Variants in C8orf34 observed in about 807,000 individuals in gnomAD.
C8orf34 encodes chromosome 8 open reading frame 34, also known as uncharacterized protein C8orf34.
C8orf34 carries 65 observed loss-of-function variants against 68.3 expected under a neutral mutation model. The ratio of observed to expected loss-of-function variants is 0.95; its 90% CI spans 0.78 to 1.17. The LOEUF (loss-of-function observed/expected upper bound fraction) is 1.17, where lower values mean the gene tolerates loss of function less well. Among genes scored for constraint, C8orf34 ranks in the 50% most tolerant of loss-of-function variants. C8orf34 has a pLI of 0.00. For missense variants in C8orf34, 664 were observed against 655.4 expected (o/e 1.01, Z -0.14); for synonymous variants, 244 against 241.2 (o/e 1.01, Z -0.11).
rs562429641 is a variant in C8orf34 at position 68,538,156 on chromosome 8, C to T, written c.1105+5007C>T. ...ACCTATTTATCACTTTGAATAAGTT[C>T]CACGTTTTTTGACACATACCAATAA... On this transcript the variant is annotated intron_variant, in intron 7 of 13. Transcript: ENST00000518698. 7.9e-5 allele frequency among the ~76,000 whole-genome samples: 12 copies of T among 152,190 alleles called. No homozygotes were observed. The South Asian group carries it at 2.3e-3, about 29-fold the overall frequency.
chr8:68,658,427 C>T (rs923665426), intron 8 of C8orf34, among the ~76,000 whole-genome samples: 2 of 152,020 alleles, frequency 1.3e-5, no homozygotes, highest in Non-Finnish European at 2.9e-5. Context: ...GTAATGTTTC[C>T]TTTATTTCTG....
At chr8:68,367,912 G>GAAAAACAAAAAAAAAAAAAAAAAAAAAAA (rs1807364645) in intron 1 of C8orf34, among the ~76,000 whole-genome samples, 2 of 79,116 alleles carry the variant, frequency 2.5e-5, no homozygotes, top group Non-Finnish European at 4.7e-5. Flanking sequence ...AAAAAGAAAA[G>GAAAAACAAAAAAAAAAAAAAAAAAAAAAA]AAAAAAAAAA....
chr8:68,737,738 T>G (rs1822163693), intron 10 of C8orf34, among the ~76,000 whole-genome samples: 1 of 152,092 alleles, frequency 6.6e-6, no homozygotes, highest in African/African-American at 2.4e-5. Flanking sequence ...TATATATACA[T>G]GCACCTAACA....
chr8:68,450,656 G>T (rs1366188944), intron 3 of C8orf34, among the ~76,000 whole-genome samples: 1 of 152,102 alleles, frequency 6.6e-6, no homozygotes, highest in Non-Finnish European at 1.5e-5. Flanking sequence ...GTAACATTTT[G>T]AAAGGAAGCT....
At chr8:68,782,698 C>T (rs1341277892) in intron 11 of C8orf34, among the ~76,000 whole-genome samples, 1 of 151,992 alleles carries the variant, frequency 6.6e-6, no homozygotes, top group East Asian at 1.9e-4. Context: ...AGTTTTAATC[C>T]AATTAAAAGG....
At chr8:68,741,011 T>C (rs984507925) in intron 10 of C8orf34, among the ~76,000 whole-genome samples, 1 of 151,776 alleles carries the variant, frequency 6.6e-6, no homozygotes, top group African/African-American at 2.4e-5. Flanking sequence ...TTCTCACTTA[T>C]AAATGGGAGC....
intron 5 of C8orf34, among the ~76,000 whole-genome samples, chr8:68,507,974 C>T (rs1382110894): frequency 2.6e-5 from 4 of 152,084 alleles, no homozygotes; most frequent in Admixed American, 2.6e-4. Flanking sequence ...AATAAAGGGT[C>T]TTATAGTTAC....
chr8:68,463,591 C>A (rs910786040), intron 3 of C8orf34, among the ~76,000 whole-genome samples: 8 of 152,164 alleles, frequency 5.3e-5, no homozygotes, highest in African/African-American at 1.9e-4. Flanking sequence ...AGCTTATCCA[C>A]CATGATCAAC....
At chr8:68,465,441 C>A (rs1246259664) in intron 3 of C8orf34, among the ~76,000 whole-genome samples, 1 of 150,976 alleles carries the variant, frequency 6.6e-6, no homozygotes, top group Admixed American at 6.6e-5. Context: ...CCCAGCCATC[C>A]CATTACTGGG....
chr8:68,639,286 G>T (rs1042129957), intron 7 of C8orf34, among the ~76,000 whole-genome samples: 1 of 152,078 alleles, frequency 6.6e-6, no homozygotes, highest in African/African-American at 2.4e-5. Flanking sequence ...TTTCCAGTTT[G>T]CTTATGTACA....
intron 5 of C8orf34, among the ~76,000 whole-genome samples, chr8:68,514,765 AT>A (rs1319029604): frequency 6.6e-6 from 1 of 152,124 alleles, no homozygotes; most frequent in Non-Finnish European, 1.5e-5. Flanking sequence ...AGTCCATAAA[AT>A]TTTTTCTATA....
intron 5 of C8orf34, among the ~76,000 whole-genome samples, chr8:68,506,473 A>G (rs1318151956): frequency 1.3e-5 from 2 of 152,232 alleles, no homozygotes; most frequent in Non-Finnish European, 1.5e-5. Context: ...AGCTGGGACT[A>G]CAGTCACATG....
At chr8:68,465,172 A>T (rs1475155769) in intron 3 of C8orf34, among the ~76,000 whole-genome samples, 147 of 151,990 alleles carry the variant, frequency 9.7e-4, no homozygotes, top group African/African-American at 3.1e-3. Context: ...AAAGAAGACA[A>T]TTATGCAGCC....
chr8:68,805,989 A>G (rs764953457), intron 12 of C8orf34, among the ~76,000 whole-genome samples: 2 of 151,850 alleles, frequency 1.3e-5, no homozygotes, highest in South Asian at 4.2e-4. Flanking sequence ...TGAAGGTTAT[A>G]TACTCTTTTA....
At chr8:68,352,085 G>A (rs889817064) in intron 1 of C8orf34, among the ~76,000 whole-genome samples, 3 of 151,620 alleles carry the variant, frequency 2.0e-5, no homozygotes, top group Non-Finnish European at 4.4e-5. Context: ...TGTATGTTTT[G>A]AATAACATTC....
intron 11 of C8orf34, among the ~76,000 whole-genome samples, 199 bp from the exon 12 acceptor site, chr8:68,787,244 A>C (rs1365513948): frequency 1.3e-5 from 2 of 152,222 alleles, no homozygotes; most frequent in Non-Finnish European, 2.9e-5. Flanking sequence ...TAAAAGAAGA[A>C]TGTAAAAAAT....
chr8:68,400,523 C>T (rs549578730), intron 1 of C8orf34, among the ~76,000 whole-genome samples: 2 of 152,128 alleles, frequency 1.3e-5, no homozygotes, highest in South Asian at 4.2e-4. Flanking sequence ...TTCTGGAATC[C>T]TCTTTTCAGT....
At chr8:68,362,033 G>A (rs1157273167) in intron 1 of C8orf34, among the ~76,000 whole-genome samples, 10 of 152,186 alleles carry the variant, frequency 6.6e-5, no homozygotes, top group South Asian at 4.1e-4. Context: ...TATTTGTAAC[G>A]TAAGAGTCCC....
At chr8:68,664,473 C>T (rs567337208) in intron 8 of C8orf34, among the ~76,000 whole-genome samples, 1 of 152,284 alleles carries the variant, frequency 6.6e-6, no homozygotes, top group South Asian at 2.1e-4. Flanking sequence ...ACCCATACAT[C>T]CATTCTATTT....
Sources: gnomAD v4.1 joint callset for allele counts (sites outside exome capture counted in the v4.1 genomes callset) on GRCh38, gnomAD v4.1.1 for gene constraint, MANE v1.5 for transcripts, NCBI Gene and HGNC (gene_info 2026-07-23, HGNC 2026-07-21) for gene names.